Variants in GULP1 observed in about 807,000 individuals in gnomAD.
The protein encoded by GULP1 is GULP PTB domain containing engulfment adaptor 1, also known as PTB domain-containing engulfment adapter protein 1.
Under a neutral mutation model 40.9 loss-of-function variants are expected in GULP1, and 19 were observed. The ratio of observed to expected loss-of-function variants is 0.46; its 90% CI spans 0.32 to 0.68. The LOEUF is 0.68. GULP1 is among the 30% of genes least tolerant of loss of function. The probability of loss-of-function intolerance (pLI) is 0.03; values close to 1 mark genes in which losing one functional copy is unlikely to be tolerated. For synonymous variants in GULP1, 119 were observed against 117.6 expected, an observed-to-expected ratio of 1.01 and a Z score of -0.08; for missense variants, 312 against 362.2, an observed-to-expected ratio of 0.86 and a Z score of 1.12.
chr2:188,470,830 TATG>T (rs1340253999), intron 2 of GULP1, among the ~76,000 whole-genome samples: 4 of 152,214 alleles, frequency 2.6e-5, no homozygotes, highest in African/African-American at 7.2e-5. Context: ...TGATCTAACA[TATG>T]ATCTATCCTT....
At chr2:188,520,617 T>C (rs189025431) in intron 4 of GULP1, among the ~76,000 whole-genome samples, 19 of 151,786 alleles carry the variant, frequency 1.3e-4, no homozygotes, top group African/African-American at 4.3e-4. Flanking sequence ...TGAGCTTTAC[T>C]CTCTAGCCTC....
At chr2:188,360,353 C>T (rs1177326036) in intron 1 of GULP1, among the ~76,000 whole-genome samples, 2 of 152,032 alleles carry the variant, frequency 1.3e-5, no homozygotes, top group African/African-American at 4.8e-5. Context: ...CTCTATTATG[C>T]ACCATAGGCA....
intron 2 of GULP1, among the ~76,000 whole-genome samples, chr2:188,403,524 A>G (rs190389541): frequency 2.6e-5 from 4 of 152,316 alleles, no homozygotes; most frequent in African/African-American, 9.6e-5. Context: ...TTATACTTCA[A>G]ATTCTTAGAT....
intron 1 of GULP1, among the ~76,000 whole-genome samples, chr2:188,343,635 A>G (rs945222400): frequency 6.6e-6 from 1 of 152,182 alleles, no homozygotes; most frequent in Non-Finnish European, 1.5e-5. Flanking sequence ...TTCTTTGAGC[A>G]TGATTCTGCT....
rs545119142 is a variant in GULP1, at chr2:188,523,798, T to C, written c.162+971T>C. On this transcript the variant is annotated intron_variant, in intron 5 of 11. Transcript: ENST00000409830. Reference sequence around the variant, plus strand: ...GAGAAATAATTGAATTGGCATGACTTCTATTCTGGGTAAAGAAATAAAGGT... The same window carrying C: ...GAGAAATAATTGAATTGGCATGACTCCTATTCTGGGTAAAGAAATAAAGGT... Among the ~76,000 whole-genome samples the C allele has an allele frequency of 3.4e-4, 52 of 152,326 alleles. No homozygotes were observed. The South Asian group carries it at 0.011, about 31-fold the overall frequency.
At chr2:188,414,786 A>C (rs376354993) in intron 2 of GULP1, among the ~76,000 whole-genome samples, 34 of 152,334 alleles carry the variant, frequency 2.2e-4, no homozygotes, top group African/African-American at 7.5e-4. Context: ...TTAATCACAC[A>C]ATTACAGAAA....
chr2:188,373,203 G>A (rs1041136187), intron 1 of GULP1, among the ~76,000 whole-genome samples: 2 of 151,832 alleles, frequency 1.3e-5, no homozygotes, highest in African/African-American at 2.4e-5. Flanking sequence ...ACATTCTAGA[G>A]AGGAATCAAG....
At chr2:188,426,779 T>C (rs367741378) in intron 2 of GULP1, among the ~76,000 whole-genome samples, 39 of 152,328 alleles carry the variant, frequency 2.6e-4, no homozygotes, top group African/African-American at 7.7e-4. Context: ...AGCATTGTTA[T>C]AAAGATACCT....
At chr2:188,508,722 GC>G (rs1375942950) in intron 4 of GULP1, among the ~76,000 whole-genome samples, 1 of 151,786 alleles carries the variant, frequency 6.6e-6, no homozygotes, top group Non-Finnish European at 1.5e-5. Flanking sequence ...AAAAAAAATG[GC>G]CCTTGTGGAA....
At chr2:188,297,014 C>T (rs777596339) in intron 1 of GULP1, among the ~76,000 whole-genome samples, 2 of 151,666 alleles carry the variant, frequency 1.3e-5, no homozygotes, top group Non-Finnish European at 2.9e-5. Context: ...CATATATATT[C>T]TTTGATGTTT....
chr2:188,314,651 C>T (rs113524758), intron 1 of GULP1, among the ~76,000 whole-genome samples: 4 of 152,302 alleles, frequency 2.6e-5, no homozygotes, highest in South Asian at 2.1e-4. Flanking sequence ...GTTGCCAGCC[C>T]CACTACACTT....
At chr2:188,342,316 T>C (rs948390531) in intron 1 of GULP1, among the ~76,000 whole-genome samples, 1 of 152,108 alleles carries the variant, frequency 6.6e-6, no homozygotes, top group African/African-American at 2.4e-5. Flanking sequence ...TGGTAGTCCT[T>C]GGCACATGGC....
At chr2:188,523,508 T>G (rs1471588042) in intron 5 of GULP1, among the ~76,000 whole-genome samples, 1 of 152,198 alleles carries the variant, frequency 6.6e-6, no homozygotes, top group Non-Finnish European at 1.5e-5. Flanking sequence ...CAAAACTCCT[T>G]CAACAGAATT....
intron 2 of GULP1, among the ~76,000 whole-genome samples, chr2:188,446,363 T>A (rs2058382978): frequency 6.6e-6 from 1 of 152,170 alleles, no homozygotes; most frequent in African/African-American, 2.4e-5. Flanking sequence ...TTCTGATTTC[T>A]TATAAAATGA....
At position 188,594,679 on chromosome 2, in the gene GULP1, T is replaced by G. The variant is rs1704184348; in HGVS notation, c.*668T>G. ...TATACTCTAAATATTTAATTTGTTTTATAAAGGTAGTGAAAAAATGAAAAT... is the reference window on the plus strand; with the variant it reads ...TATACTCTAAATATTTAATTTGTTTGATAAAGGTAGTGAAAAAATGAAAAT... On this transcript the variant is annotated 3_prime_UTR_variant, in exon 12 of 12. Coordinates refer to ENST00000409830, the MANE Select transcript of GULP1 (RefSeq NM_016315.4). The G allele has an allele frequency of 6.6e-6, 1 of 151,742 alleles. No homozygotes were observed. The highest frequency in any genetic ancestry group is 6.6e-5 in the Admixed American group (1 of 15,190). The allele number at this position is 151,742 out of a possible 1,614,324, so 9.4% of individuals were successfully genotyped here.
intron 2 of GULP1, among the ~76,000 whole-genome samples, chr2:188,422,031 A>G (rs889365457): frequency 2.6e-5 from 4 of 151,690 alleles, no homozygotes. Context: ...ATCCAAAATT[A>G]AAAAGAAATA....
chr2:188,462,042 C>CT (rs1332118532), intron 2 of GULP1, among the ~76,000 whole-genome samples: 1 of 149,246 alleles, frequency 6.7e-6, no homozygotes, highest in Non-Finnish European at 1.5e-5. Flanking sequence ...AGTTTTTCTT[C>CT]TTTTTTGTTG....
chr2:188,407,997 G>A (rs971523166), intron 2 of GULP1, among the ~76,000 whole-genome samples: 2 of 152,206 alleles, frequency 1.3e-5, no homozygotes, highest in African/African-American at 2.4e-5. Context: ...AGGTAGTGCT[G>A]TGATTTGAAA....
chr2:188,373,618 A>G (rs76700644), intron 1 of GULP1, among the ~76,000 whole-genome samples: 6,990 of 151,994 alleles, frequency 0.046, 238 homozygotes, highest in Non-Finnish European at 0.065. Flanking sequence ...GTGAAAAGGT[A>G]TCAAAGCAGA....
Sources: allele counts gnomAD v4.1 joint callset (sites outside exome capture counted in the v4.1 genomes callset), GRCh38; gene constraint gnomAD v4.1.1; transcripts MANE v1.5; gene names NCBI Gene and HGNC (gene_info 2026-07-23, HGNC 2026-07-21).